The following LRRTM4 variants were observed in gnomAD, a reference collection of about 807,000 sequenced individuals.
LRRTM4 encodes the protein leucine-rich repeat transmembrane neuronal protein 4.
In LRRTM4, 25 loss-of-function variants were observed where a neutral mutation model predicts 47.6. That is an observed-to-expected ratio of 0.53 (90% CI 0.38 to 0.73). The LOEUF (loss-of-function observed/expected upper bound fraction) is 0.73. Among genes scored for constraint, LRRTM4 ranks in the 30% least tolerant of loss-of-function variants. The pLI is 0.00. For missense variants in LRRTM4, 638 were observed against 713.4 expected, an observed-to-expected ratio of 0.89 and a Z score of 1.20; for synonymous variants, 311 against 269.5, an observed-to-expected ratio of 1.15 and a Z score of -1.51.
chr2:77,049,021 C>A (rs1246275255), intron 3 of LRRTM4, among the ~76,000 whole-genome samples: 1 of 150,274 alleles, frequency 6.7e-6, no homozygotes, highest in Non-Finnish European at 1.5e-5. Context: ...ATACAATATT[C>A]ATCTTTCTGT....
At chr2:77,414,999 T>C (rs550967414) in intron 3 of LRRTM4, among the ~76,000 whole-genome samples, 1 of 152,192 alleles carries the variant, frequency 6.6e-6, no homozygotes, top group Non-Finnish European at 1.5e-5. Flanking sequence ...TGAAATCTAA[T>C]CATTCCAAAA....
intron 3 of LRRTM4, among the ~76,000 whole-genome samples, chr2:77,462,015 G>A (rs1463470199): frequency 6.6e-6 from 1 of 152,102 alleles, no homozygotes; most frequent in East Asian, 1.9e-4. Context: ...AATGCAAACT[G>A]AGAACAACTG....
intron 3 of LRRTM4, among the ~76,000 whole-genome samples, chr2:76,906,693 A>T (rs1390274477): frequency 1.3e-5 from 2 of 151,904 alleles, no homozygotes; most frequent in East Asian, 3.9e-4. Flanking sequence ...CAGGGGTTGC[A>T]ATCCTAGTCT....
chr2:77,351,939 G>A (rs1484126595), intron 3 of LRRTM4, among the ~76,000 whole-genome samples: 1 of 152,096 alleles, frequency 6.6e-6, no homozygotes, highest in Middle Eastern at 3.4e-3. Flanking sequence ...AATTCTCTGA[G>A]TATCCTCTTT....
chr2:77,159,143 GA>G (rs1343908598), intron 3 of LRRTM4, among the ~76,000 whole-genome samples: 1 of 152,098 alleles, frequency 6.6e-6, no homozygotes, highest in African/African-American at 2.4e-5. Context: ...TTATTTGGAA[GA>G]ACAGCTGACA....
intron 3 of LRRTM4, among the ~76,000 whole-genome samples, chr2:77,354,159 T>C (rs759197648): frequency 2.0e-5 from 3 of 152,180 alleles, no homozygotes; most frequent in Non-Finnish European, 2.9e-5. Context: ...TAAACTGATA[T>C]GGCACCAGTG....
chr2:77,089,129 G>A (rs1392615395), intron 3 of LRRTM4, among the ~76,000 whole-genome samples: 2 of 152,036 alleles, frequency 1.3e-5, no homozygotes, highest in Non-Finnish European at 2.9e-5. Flanking sequence ...ACCCTTAGGG[G>A]CAAGTCCCGC....
At chr2:77,230,527 A>G (rs1464604006) in intron 3 of LRRTM4, among the ~76,000 whole-genome samples, 3 of 152,192 alleles carry the variant, frequency 2.0e-5, no homozygotes, top group South Asian at 4.1e-4. Context: ...ATATAAAATA[A>G]GATTGTGAAG....
intron 3 of LRRTM4, among the ~76,000 whole-genome samples, chr2:76,853,000 C>A (rs10165732): frequency 3.3e-5 from 5 of 151,928 alleles, no homozygotes; most frequent in African/African-American, 1.2e-4. Context: ...GGAAAAGGGC[C>A]TGATTCTGTG....
chr2:77,481,693 C>G (rs1382837510), intron 3 of LRRTM4, among the ~76,000 whole-genome samples: 1 of 152,084 alleles, frequency 6.6e-6, no homozygotes, highest in African/African-American at 2.4e-5. Flanking sequence ...CTGTGAGATT[C>G]TTTCTGGATG....
In LRRTM4 at chr2:77,519,781, C is replaced by G; in HGVS notation, c.88G>C (p.Ala30Pro). ...PTLLLVMLTG[A>P]QRACPKNCRC... ...CAGTTCTTTGGGCAAGCTCTCTGAG[C>G]ACCCGTGAGCATAACAAGCAGCAGT... The change falls in exon 3 of 4, where the codon GCT (alanine) becomes CCT (proline). Residue 30 changes from alanine (A) to proline (P), a missense_variant. Ala to Pro is a conservative substitution (Grantham distance 27, BLOSUM62 -1). Coordinates refer to ENST00000409884, the MANE Select transcript of LRRTM4 (RefSeq NM_001134745.3). The surrounding 1 kb of genome is among the most constrained non-coding windows in gnomAD (Gnocchi z 4.6). 1 of 1,613,128 alleles carries G rather than the reference C, an allele frequency of 6.2e-7. No homozygotes were observed. The highest frequency in any genetic ancestry group is 8.5e-7 in the Non-Finnish European group (1 of 1,179,490).
chr2:76,854,812 C>CT (rs66549743), intron 3 of LRRTM4, among the ~76,000 whole-genome samples: 34,682 of 143,894 alleles, frequency 0.24, 6,039 homozygotes, highest in East Asian at 0.5. Context: ...AAAGAAAATC[C>CT]TTTTTTTTTT....
At chr2:77,223,241 C>A (rs1674696560) in intron 3 of LRRTM4, among the ~76,000 whole-genome samples, 1 of 152,200 alleles carries the variant, frequency 6.6e-6, no homozygotes, top group African/African-American at 2.4e-5. Context: ...GACAAACCCA[C>A]AGCCAGTATC....
At chr2:77,292,032 A>G (rs199597113) in intron 3 of LRRTM4, among the ~76,000 whole-genome samples, 256 of 152,130 alleles carry the variant, frequency 1.7e-3, no homozygotes, top group Non-Finnish European at 3.0e-3. Context: ...AAAAGTGGGC[A>G]AAGGACATGA....
chr2:77,443,559 C>G (rs1184571284), intron 3 of LRRTM4, among the ~76,000 whole-genome samples: 1 of 152,032 alleles, frequency 6.6e-6, no homozygotes, highest in Non-Finnish European at 1.5e-5. Flanking sequence ...TTTATCAATG[C>G]CTGACACTCA....
At chr2:77,502,541 T>A (rs1226485051) in intron 3 of LRRTM4, among the ~76,000 whole-genome samples, 4 of 151,644 alleles carry the variant, frequency 2.6e-5, no homozygotes, top group South Asian at 2.1e-4. Context: ...GAAAATTTTT[T>A]AAAAAGTAAA....
chr2:76,909,232 A>T lies in LRRTM4; in HGVS notation c.1552-160316T>A, dbSNP rs186958783. Among the ~76,000 whole-genome samples, 611 of 152,306 alleles carry T rather than the reference A, an allele frequency of 4.0e-3. 5 individuals are homozygous for T. Among genetic ancestry groups the T allele is most frequent in the African/African-American group, 0.013 (544 of 41,566 alleles). ...GATCTTTGACAAACCTGAGAAAAAC[A>T]AGCAATGGGGAAAGGATTCCCTGTC... On this transcript the variant is annotated intron_variant, in intron 3 of 3. Transcript: ENST00000409884.
chr2:77,252,606 C>T (rs575614307), intron 3 of LRRTM4, among the ~76,000 whole-genome samples: 4 of 152,040 alleles, frequency 2.6e-5, no homozygotes, highest in Non-Finnish European at 4.4e-5. Flanking sequence ...CAAACCAAAA[C>T]GAACCCAATC....
At chr2:77,306,592 G>T (rs190971892) in intron 3 of LRRTM4, among the ~76,000 whole-genome samples, 2 of 152,022 alleles carry the variant, frequency 1.3e-5, no homozygotes, top group East Asian at 1.9e-4. Context: ...TTCCTAAAGC[G>T]GTTAACCTGA....
Sources: allele counts gnomAD v4.1 joint callset (sites outside exome capture counted in the v4.1 genomes callset), GRCh38; gene constraint gnomAD v4.1.1; non-coding constraint Gnocchi (gnomAD v3.1); transcripts MANE v1.5; gene names NCBI Gene and HGNC (gene_info 2026-07-23, HGNC 2026-07-21).